The following CELF2 variants were observed in gnomAD, a reference collection of about 807,000 sequenced individuals.
The protein encoded by CELF2 is CUG triplet repeat RNA-binding protein 2.
In CELF2, 8 loss-of-function variants were observed where a neutral mutation model predicts 62.6. The observed-to-expected ratio is 0.13, with a 90% CI of 0.07 to 0.23. The LOEUF is 0.23. Among genes scored for constraint, CELF2 ranks in the 10% least tolerant of loss-of-function variants. CELF2 has a pLI of 1.00. For missense variants in CELF2, 333 were observed against 671.0 expected (o/e 0.50, Z 5.56); for synonymous variants, 258 against 250.0 (o/e 1.03, Z -0.30).
At chr10:10,887,735 G>A (rs1201074252) in intron 1 of CELF2, among the ~76,000 whole-genome samples, 1 of 151,524 alleles carries the variant, frequency 6.6e-6, no homozygotes, top group East Asian at 1.9e-4. Flanking sequence ...AAACTTTTCA[G>A]AGGAAAGAGG....
chr10:10,767,516 A>C, the CELF2 span, among the ~76,000 whole-genome samples: 121 of 152,348 alleles, frequency 7.9e-4, 1 homozygote, highest in South Asian at 0.024. Flanking sequence ...AGAGTCCATT[A>C]GAAGAGAAGC....
the CELF2 span, among the ~76,000 whole-genome samples, chr10:10,663,476 G>C: frequency 6.6e-6 from 1 of 152,046 alleles, no homozygotes; most frequent in Admixed American, 6.5e-5. Flanking sequence ...ATTGATTTTG[G>C]CTATAAAAGC....
intron 2 of CELF2, among the ~76,000 whole-genome samples, chr10:10,976,021 C>T (rs1235438675): frequency 6.6e-6 from 1 of 152,308 alleles, no homozygotes; most frequent in African/African-American, 2.4e-5. Context: ...CAGGTTGTTG[C>T]CCTGGAAAGG....
intron 9 of CELF2, among the ~76,000 whole-genome samples, chr10:11,303,866 G>A (rs2093983112): frequency 6.6e-6 from 1 of 152,182 alleles, no homozygotes; most frequent in Admixed American, 6.5e-5. Context: ...ACTGAGAGTT[G>A]TGTGACCTTC....
chr10:11,303,202 C>G (rs765223316), intron 9 of CELF2, among the ~76,000 whole-genome samples: 4 of 152,220 alleles, frequency 2.6e-5, no homozygotes, highest in Non-Finnish European at 5.9e-5. Flanking sequence ...TTTCTCACGT[C>G]AAGACCTAAG....
rs760962991 is a variant in CELF2 at position 11,319,817 on chromosome 10, C to T, written c.1097-1372C>T. 5.7e-5 allele frequency: 27 copies of T among 470,870 alleles called. No individual in the cohort carries two copies. The highest frequency in any genetic ancestry group is 1.4e-4 in the East Asian group (2 of 14,390). The allele number at this position is 470,870 out of a possible 1,614,324, so 29.2% of individuals were successfully genotyped here. A position where few individuals can be genotyped will look rare whatever the true frequency, so the allele number is the denominator to read the frequency against. On this transcript the variant is annotated intron_variant, in intron 10 of 12. Transcript: ENST00000633077. This position sits in a 1 kb window ranked among gnomAD's most constrained non-coding sequence, Gnocchi z 4.4. ...ACATGTGTCCTTTTAATTGAAGAGGCGAAGTTGGCCAAATAGAAGCACAAG... is the reference window on the plus strand; with the variant it reads ...ACATGTGTCCTTTTAATTGAAGAGGTGAAGTTGGCCAAATAGAAGCACAAG...
intron 3 of CELF2, among the ~76,000 whole-genome samples, chr10:11,233,971 C>T (rs759774156): frequency 2.2e-4 from 34 of 152,196 alleles, no homozygotes; most frequent in Non-Finnish European, 2.1e-4. Context: ...ATTGCTGCAT[C>T]TTGTATCAGA....
chr10:10,671,473 TAGAA>T, the CELF2 span, among the ~76,000 whole-genome samples: 857 of 152,286 alleles, frequency 5.6e-3, 7 homozygotes, highest in African/African-American at 0.02. Flanking sequence ...CTGGATCACA[TAGAA>T]AGAATGTGTA....
chr10:10,931,706 T>C lies in CELF2; in HGVS notation c.89+11707T>C, dbSNP rs908452516. Among the ~76,000 whole-genome samples, 1 of 152,238 alleles carries C rather than the reference T, an allele frequency of 6.6e-6. No homozygotes were observed. ...ACCTAATTAATAATGGAGATGCTTA[T>C]GGACACCACAATGAAACCTTAAAAT... On this transcript the variant is annotated intron_variant, in intron 2 of 13. Transcript: ENST00000636488. The surrounding 1 kb of genome is among the most constrained non-coding windows in gnomAD (Gnocchi z 6.1).
intron 1 of CELF2, among the ~76,000 whole-genome samples, chr10:11,052,857 G>A (rs1330080644): frequency 6.6e-6 from 1 of 152,196 alleles, no homozygotes; most frequent in Non-Finnish European, 1.5e-5. Flanking sequence ...AAATCATGTA[G>A]TAGAGGGCTT....
chr10:10,857,180 T>C (rs2059765339), intron 1 of CELF2, among the ~76,000 whole-genome samples: 1 of 152,158 alleles, frequency 6.6e-6, no homozygotes, highest in Non-Finnish European at 1.5e-5. Flanking sequence ...GACATTGCCT[T>C]GGTCGTTGAC....
At chr10:11,142,473 A>T (rs2061510416) in intron 1 of CELF2, among the ~76,000 whole-genome samples, 2 of 152,096 alleles carry the variant, frequency 1.3e-5, no homozygotes, top group South Asian at 4.1e-4. Flanking sequence ...TCACGAGGTC[A>T]GGAGATCGAG....
At chr10:11,152,795 G>A (rs1444072457) in intron 1 of CELF2, among the ~76,000 whole-genome samples, 1 of 152,166 alleles carries the variant, frequency 6.6e-6, no homozygotes, top group African/African-American at 2.4e-5. Context: ...TCTCTGACCT[G>A]CTAAAATTTC....
At chr10:11,226,608 ACACACACACACACACAC>A (rs2066673433) in intron 3 of CELF2, among the ~76,000 whole-genome samples, 1 of 147,442 alleles carries the variant, frequency 6.8e-6, no homozygotes, top group Non-Finnish European at 1.5e-5. Context: ...GGCCACACAC[ACACACACACACACACAC>A]ACACACACAC....
chr10:10,581,914 G>C, the CELF2 span, among the ~76,000 whole-genome samples: 1 of 152,076 alleles, frequency 6.6e-6, no homozygotes, highest in Non-Finnish European at 1.5e-5. Context: ...TGTAATCCCA[G>C]CTACTCAGGA....
the CELF2 span, among the ~76,000 whole-genome samples, chr10:10,769,949 C>CT: frequency 1.3e-5 from 2 of 151,956 alleles, no homozygotes; most frequent in South Asian, 2.1e-4. Context: ...CTGGAGTTGT[C>CT]CAACCAAAGG....
At chr10:10,650,493 T>C in the CELF2 span, among the ~76,000 whole-genome samples, 66,914 of 152,016 alleles carry the variant, frequency 0.44, 15,144 homozygotes, top group South Asian at 0.71. Context: ...TAGAGAGACC[T>C]ATGTAAAAGT....
chr10:11,040,507 G>A (rs1430896035), intron 1 of CELF2, among the ~76,000 whole-genome samples: 1 of 152,048 alleles, frequency 6.6e-6, no homozygotes, highest in African/African-American at 2.4e-5. Context: ...CCTATTTAAT[G>A]TATCTTCTAT....
At chr10:10,604,598 T>C in the CELF2 span, among the ~76,000 whole-genome samples, 1 of 152,218 alleles carries the variant, frequency 6.6e-6, no homozygotes, top group East Asian at 1.9e-4. Flanking sequence ...TAGCTGTTTT[T>C]CCTACAAGAA....
Sources: allele counts gnomAD v4.1 joint callset (sites outside exome capture counted in the v4.1 genomes callset), GRCh38; gene constraint gnomAD v4.1.1; non-coding constraint Gnocchi (gnomAD v3.1); transcripts MANE v1.5; gene names NCBI Gene and HGNC (gene_info 2026-07-23, HGNC 2026-07-21).